KLRG1: variants seen among roughly 807,000 people sequenced by gnomAD.
The protein encoded by KLRG1 is killer cell lectin-like receptor subfamily G member 1.
In KLRG1, 16 loss-of-function variants were observed where a neutral mutation model predicts 21.8. That is an observed-to-expected ratio of 0.73 (90% CI 0.50 to 1.11). KLRG1 has a LOEUF of 1.11. Among genes scored for constraint, KLRG1 ranks in the 50% most tolerant of loss-of-function variants. The pLI, the probability that KLRG1 is intolerant of heterozygous loss-of-function variation, is 0.00. For missense variants in KLRG1, 173 were observed against 218.3 expected, an observed-to-expected ratio of 0.79 and a Z score of 1.31; for synonymous variants, 69 against 75.9, an observed-to-expected ratio of 0.91 and a Z score of 0.47.
the KLRG1 span, chr12:9,160,240 G>T: frequency 1.5e-6 from 2 of 1,352,184 alleles, no homozygotes; most frequent in Non-Finnish European, 2.0e-6. Context: ...GTTAATATTT[G>T]ATGATATAAC....
the KLRG1 span, among the ~76,000 whole-genome samples, chr12:9,045,678 A>G: frequency 6.6e-6 from 1 of 152,212 alleles, no homozygotes; most frequent in East Asian, 1.9e-4. Context: ...AACTCTAAGA[A>G]AGAGAAAGAA....
chr12:9,197,637 T>A, the KLRG1 span, among the ~76,000 whole-genome samples: 5 of 67,788 alleles, frequency 7.4e-5, no homozygotes, highest in African/African-American at 1.2e-4. Context: ...ATATTATATA[T>A]TATATTATAT....
intron 1 of KLRG1, among the ~76,000 whole-genome samples, chr12:8,979,009 C>T (rs1946710692): frequency 6.6e-6 from 1 of 151,220 alleles, no homozygotes; most frequent in African/African-American, 2.4e-5. Flanking sequence ...GCCACTTCAC[C>T]TGGCCTGTCT....
intron 1 of KLRG1, among the ~76,000 whole-genome samples, chr12:8,974,442 C>T (rs992322743): frequency 6.6e-6 from 1 of 152,202 alleles, no homozygotes; most frequent in Non-Finnish European, 1.5e-5. Flanking sequence ...GCTGGGATTA[C>T]AGGCGTGAGC....
the KLRG1 span, among the ~76,000 whole-genome samples, chr12:9,043,674 C>T: frequency 6.6e-6 from 1 of 152,212 alleles, no homozygotes; most frequent in Non-Finnish European, 1.5e-5. Context: ...GATCTTGCTA[C>T]TCCTCCCTCA....
the KLRG1 span, chr12:9,153,211 GGTT>G: frequency 2.5e-6 from 4 of 1,614,182 alleles, no homozygotes; most frequent in Non-Finnish European, 3.4e-6. Context: ...AGTAATAGGA[GGTT>G]GTTGTTGTCT....
chr12:8,981,343 A>G (rs1013576312), intron 1 of KLRG1, among the ~76,000 whole-genome samples: 8 of 151,980 alleles, frequency 5.3e-5, no homozygotes, highest in Non-Finnish European at 1.2e-4. Context: ...ACCCTCATAA[A>G]TTATAAACTT....
At chr12:9,168,878 A>G in the KLRG1 span, 1 of 1,613,018 alleles carries the variant, frequency 6.2e-7, no homozygotes, top group Non-Finnish European at 8.5e-7. Context: ...CCTCCATAGT[A>G]TCCTTGACCT....
chr12:9,196,674 A>G, the KLRG1 span: 1 of 1,608,230 alleles, frequency 6.2e-7, no homozygotes. Context: ...TGATGCAGCC[A>G]TTGCTGTTAA....
the KLRG1 span, chr12:9,080,317 A>G: frequency 2.3e-6 from 1 of 438,912 alleles, no homozygotes. Flanking sequence ...TACAACAGTA[A>G]TATATAAATA....
chr12:9,099,365 G>T, the KLRG1 span: 9 of 1,550,490 alleles, frequency 5.8e-6, no homozygotes, highest in African/African-American at 1.4e-5. Context: ...AAGATTTTAT[G>T]ATCTAAAACA....
chr12:9,107,600 A>G, the KLRG1 span: 1 of 1,613,974 alleles, frequency 6.2e-7, no homozygotes, highest in African/African-American at 1.3e-5. Flanking sequence ...CTTTCTGCAA[A>G]TGCTCACAGT....
At chr12:9,140,424 C>CCTTACCTT in the KLRG1 span, among the ~76,000 whole-genome samples, 1 of 152,142 alleles carries the variant, frequency 6.6e-6, no homozygotes, top group Non-Finnish European at 1.5e-5. Flanking sequence ...AAGCAACATT[C>CCTTACCTT]CTTACCTAAT....
At chr12:9,194,891 G>A in the KLRG1 span, among the ~76,000 whole-genome samples, 1 of 152,150 alleles carries the variant, frequency 6.6e-6, no homozygotes, top group African/African-American at 2.4e-5. Flanking sequence ...ATGCTTGGCT[G>A]TGTTCTGAAC....
chr12:9,096,850 T>C, the KLRG1 span, among the ~76,000 whole-genome samples: 1 of 152,218 alleles, frequency 6.6e-6, no homozygotes, highest in African/African-American at 2.4e-5. Flanking sequence ...ACATACATTT[T>C]TATCTTTCCA....
chr12:9,148,548 C>G, the KLRG1 span, among the ~76,000 whole-genome samples: 29 of 152,108 alleles, frequency 1.9e-4, no homozygotes, highest in African/African-American at 6.7e-4. Context: ...TATAACAGCA[C>G]TTCTCCTCAT....
chr12:8,968,750 G>A (rs1243558836), intron 1 of KLRG1, among the ~76,000 whole-genome samples: 1 of 152,138 alleles, frequency 6.6e-6, no homozygotes, highest in Non-Finnish European at 1.5e-5. Context: ...CTGAAATCAT[G>A]CAAAGTATAT....
At chr12:9,012,658 G>A (rs76727290), downstream of KLRG1, among the ~76,000 whole-genome samples, 4,626 of 151,908 alleles carry the variant, frequency 0.03, 242 homozygotes, top group African/African-American at 0.11. Flanking sequence ...ACTCTGTCTT[G>A]CAGCTTAGGT....
chr12:9,195,543 G>A, the KLRG1 span, among the ~76,000 whole-genome samples: 21 of 151,252 alleles, frequency 1.4e-4, no homozygotes, highest in African/African-American at 4.6e-4. Flanking sequence ...TTCTGGGCTC[G>A]AGGGATCCTC....
Sources: gnomAD v4.1 joint callset for allele counts (sites outside exome capture counted in the v4.1 genomes callset) on GRCh38, gnomAD v4.1.1 for gene constraint, MANE v1.5 for transcripts, NCBI Gene and HGNC (gene_info 2026-07-23, HGNC 2026-07-21) for gene names.